GRIP1: variants seen among roughly 807,000 people sequenced by gnomAD.
GRIP1 encodes glutamate receptor-interacting protein 1.
Under a neutral mutation model 129.9 loss-of-function variants are expected in GRIP1, and 45 were observed. The ratio of observed to expected loss-of-function variants is 0.35; its 90% CI spans 0.27 to 0.44. The LOEUF (loss-of-function observed/expected upper bound fraction) is 0.44, where lower values mean the gene tolerates loss of function less well. GRIP1 is among the 20% of genes least tolerant of loss of function. The probability of loss-of-function intolerance (pLI) is 1.00; values close to 1 mark genes in which losing one functional copy is unlikely to be tolerated. For missense variants in GRIP1, 1,196 were observed against 1,396.8 expected, an observed-to-expected ratio of 0.86 and a Z score of 2.29; for synonymous variants, 530 against 520.8, an observed-to-expected ratio of 1.02 and a Z score of -0.24.
At chr12:66,964,836 T>C (rs1224152120) in intron 1 of GRIP1, among the ~76,000 whole-genome samples, 5 of 151,956 alleles carry the variant, frequency 3.3e-5, no homozygotes, top group African/African-American at 7.2e-5. Flanking sequence ...CAGGCAGGGG[T>C]GGTTTCCTCT....
chr12:66,666,893 T>C (rs1280564858), intron 1 of GRIP1, among the ~76,000 whole-genome samples: 4 of 151,956 alleles, frequency 2.6e-5, no homozygotes, highest in Non-Finnish European at 1.5e-5. Flanking sequence ...TTTTTTTTGA[T>C]TTGGTATTGA....
chr12:66,847,838 T>C (rs548382327), intron 1 of GRIP1, among the ~76,000 whole-genome samples: 23 of 152,340 alleles, frequency 1.5e-4, no homozygotes, highest in African/African-American at 5.3e-4. Context: ...CATTTCAAGA[T>C]GAAATTCTTC....
intron 1 of GRIP1, among the ~76,000 whole-genome samples, chr12:66,831,565 C>T (rs2039518927): frequency 6.6e-6 from 1 of 152,174 alleles, no homozygotes; most frequent in Admixed American, 6.5e-5. Flanking sequence ...ACAAGCAACA[C>T]TTCAAAGCCG....
chr12:66,901,951 T>C (rs1298970382), intron 1 of GRIP1, among the ~76,000 whole-genome samples: 1 of 152,236 alleles, frequency 6.6e-6, no homozygotes, highest in Admixed American at 6.5e-5. Flanking sequence ...ACTTTAAGTA[T>C]TTCTTGCTGA....
At chr12:66,484,121 A>C (rs980264160) in intron 7 of GRIP1, among the ~76,000 whole-genome samples, 5 of 152,044 alleles carry the variant, frequency 3.3e-5, no homozygotes, top group African/African-American at 1.2e-4. Flanking sequence ...GGCCTCCCAA[A>C]GTGCTAGGAT....
chr12:66,755,135 T>C (rs890539737), intron 1 of GRIP1, among the ~76,000 whole-genome samples: 1 of 152,164 alleles, frequency 6.6e-6, no homozygotes, highest in Non-Finnish European at 1.5e-5. Context: ...AAAATTTTCC[T>C]ATTAAAAAAA....
intron 1 of GRIP1, among the ~76,000 whole-genome samples, chr12:66,970,766 A>ACCT (rs1358373525): frequency 5.3e-5 from 8 of 151,962 alleles, no homozygotes; most frequent in Non-Finnish European, 8.8e-5. Context: ...CTGTACTGTG[A>ACCT]CCTTTACAAA....
intron 1 of GRIP1, among the ~76,000 whole-genome samples, chr12:66,871,357 A>AACCTACT (rs1397760304): frequency 6.6e-6 from 1 of 152,154 alleles, no homozygotes; most frequent in East Asian, 1.9e-4. Flanking sequence ...AATAGCAAGA[A>AACCTACT]ACCTACTAAA....
chr12:66,843,831 AG>A (rs2039765421), intron 1 of GRIP1, among the ~76,000 whole-genome samples: 1 of 152,164 alleles, frequency 6.6e-6, no homozygotes, highest in South Asian at 2.1e-4. Context: ...TAAACATAAC[AG>A]CAAAAACTAT....
chr12:66,788,745 C>T (rs1287464927), intron 1 of GRIP1, among the ~76,000 whole-genome samples: 1 of 152,006 alleles, frequency 6.6e-6, no homozygotes, highest in Admixed American at 6.6e-5. Context: ...CCTGCAGCTA[C>T]GTTGGTGAGC....
intron 14 of GRIP1, among the ~76,000 whole-genome samples, chr12:66,426,569 A>G (rs2057994258): frequency 6.6e-6 from 1 of 151,960 alleles, no homozygotes; most frequent in South Asian, 2.1e-4. Context: ...GAATGTGCTA[A>G]TTCTCTGATT....
chr12:66,671,936 C>T (rs1186394692), intron 1 of GRIP1, among the ~76,000 whole-genome samples: 1 of 142,946 alleles, frequency 7.0e-6, no homozygotes, highest in Admixed American at 6.7e-5. Context: ...ATGTATTAGA[C>T]TGAAAACTGG....
At chr12:66,622,719 A>G (rs369699335) in intron 1 of GRIP1, among the ~76,000 whole-genome samples, 1 of 151,968 alleles carries the variant, frequency 6.6e-6, no homozygotes, top group African/African-American at 2.4e-5. Context: ...CCCCCTTGCC[A>G]TCTAACTTCA....
At chr12:67,068,879 T>C (rs1343413492) in intron 1 of GRIP1, among the ~76,000 whole-genome samples, 1 of 53,688 alleles carries the variant, frequency 1.9e-5, no homozygotes, top group African/African-American at 7.7e-5. Context: ...GCAAAAAAAA[T>C]GAATCAGAGT....
chr12:66,917,814 T>C (rs1293175158), intron 1 of GRIP1, among the ~76,000 whole-genome samples: 1 of 152,178 alleles, frequency 6.6e-6, no homozygotes, highest in Non-Finnish European at 1.5e-5. Flanking sequence ...TTTTATATAA[T>C]GTTCCCTCTA....
chr12:66,923,667 C>T lies in GRIP1; in HGVS notation c.58+145383G>A, dbSNP rs1441670566. Among the ~76,000 whole-genome samples, 4 of 152,162 alleles carry T rather than the reference C, an allele frequency of 2.6e-5. No individual in the cohort carries two copies. In the South Asian group the frequency reaches 8.3e-4, roughly 32 times the overall value. On this transcript the variant is annotated intron_variant, in intron 1 of 1. Transcript: ENST00000643019. Reference sequence around the variant, plus strand: ...CTTTTGAGTCAGTACAGAGTAAGAACCCAGTTCCAGATTCAGAAAGACCTG... The same window carrying T: ...CTTTTGAGTCAGTACAGAGTAAGAATCCAGTTCCAGATTCAGAAAGACCTG...
chr12:66,808,814 TTCAA>T (rs2039048219), upstream of GRIP1, among the ~76,000 whole-genome samples: 1 of 149,916 alleles, frequency 6.7e-6, no homozygotes, highest in Non-Finnish European at 1.5e-5. Context: ...CAGGGTCCAA[TTCAA>T]TCATTCAGTT....
chr12:66,849,264 A>G (rs916143606), intron 1 of GRIP1, among the ~76,000 whole-genome samples: 3 of 151,952 alleles, frequency 2.0e-5, no homozygotes, highest in South Asian at 2.1e-4. Flanking sequence ...CATTTCTTCC[A>G]TCTCCTACAA....
At chr12:66,663,857 G>A (rs1374430269) in intron 1 of GRIP1, among the ~76,000 whole-genome samples, 17 of 152,138 alleles carry the variant, frequency 1.1e-4, no homozygotes, top group East Asian at 3.9e-4. Context: ...AACAACTTGC[G>A]TTTGAAAGCC....
Sources: allele counts gnomAD v4.1 joint callset (sites outside exome capture counted in the v4.1 genomes callset), GRCh38; gene constraint gnomAD v4.1.1; transcripts MANE v1.5; gene names NCBI Gene and HGNC (gene_info 2026-07-23, HGNC 2026-07-21).